The following ZFAND3 variants were observed in gnomAD, a reference collection of about 807,000 sequenced individuals.
ZFAND3 encodes the protein zinc finger AN1-type containing 3, also known as AN1-type zinc finger protein 3.
ZFAND3 carries 10 observed loss-of-function variants against 29.6 expected under a neutral mutation model. The ratio of observed to expected loss-of-function variants is 0.34; its 90% CI spans 0.21 to 0.57. The LOEUF (loss-of-function observed/expected upper bound fraction) is 0.57, where lower values mean the gene tolerates loss of function less well. Ranked by LOEUF, ZFAND3 falls within the 20% of genes least tolerant of loss-of-function variation. The pLI is 0.86. For missense variants in ZFAND3, 230 were observed against 304.5 expected, an observed-to-expected ratio of 0.76 and a Z score of 1.82; for synonymous variants, 128 against 112.6, an observed-to-expected ratio of 1.14 and a Z score of -0.87.
At chr6:37,918,805 A>G (rs1761315494) in intron 1 of ZFAND3, among the ~76,000 whole-genome samples, 1 of 152,146 alleles carries the variant, frequency 6.6e-6, no homozygotes, top group Admixed American at 6.6e-5. Context: ...CAAAAGCAAC[A>G]TTGTTAGCCA....
chr6:37,887,490 A>C (rs1227036769), intron 1 of ZFAND3, among the ~76,000 whole-genome samples: 1 of 152,214 alleles, frequency 6.6e-6, no homozygotes, highest in Non-Finnish European at 1.5e-5. Context: ...ATCAGAACTT[A>C]CTATGTTGGA....
At chr6:38,074,840 T>TA (rs1219189374) in intron 3 of ZFAND3, among the ~76,000 whole-genome samples, 2 of 152,224 alleles carry the variant, frequency 1.3e-5, no homozygotes, top group African/African-American at 2.4e-5. Context: ...AGCCAGTGCT[T>TA]ATTTATCCTT....
intron 1 of ZFAND3, among the ~76,000 whole-genome samples, chr6:37,846,617 C>T (rs560567267): frequency 1.6e-4 from 25 of 152,026 alleles, no homozygotes; most frequent in South Asian, 1.2e-3. Context: ...TGGAACTTGC[C>T]GAAGCTCACT....
chr6:37,896,494 CTTAA>C (rs1385012097), intron 1 of ZFAND3, among the ~76,000 whole-genome samples: 1 of 145,004 alleles, frequency 6.9e-6, no homozygotes, highest in Non-Finnish European at 1.5e-5. Context: ...AGGCTGGTGT[CTTAA>C]TTTTTTTCCT....
intron 1 of ZFAND3, among the ~76,000 whole-genome samples, chr6:37,844,709 T>C (rs576606953): frequency 2.6e-5 from 4 of 151,710 alleles, no homozygotes; most frequent in Non-Finnish European, 5.9e-5. Flanking sequence ...ACTTTAACAC[T>C]TAGGGTCTTA....
chr6:37,861,581 TTTC>T (rs2127383941), intron 1 of ZFAND3, among the ~76,000 whole-genome samples: 1 of 152,346 alleles, frequency 6.6e-6, no homozygotes, highest in Admixed American at 6.5e-5. Flanking sequence ...AGTGTCTACA[TTTC>T]ACAGGTGAAG....
chr6:37,878,112 G>A (rs909971439), intron 1 of ZFAND3, among the ~76,000 whole-genome samples: 1 of 152,164 alleles, frequency 6.6e-6, no homozygotes, highest in South Asian at 2.1e-4. Flanking sequence ...GTGGGAACTC[G>A]TACAAATGTG....
intron 4 of ZFAND3, among the ~76,000 whole-genome samples, chr6:38,099,650 G>A (rs1765054844): frequency 6.6e-6 from 1 of 152,054 alleles, no homozygotes; most frequent in Admixed American, 6.6e-5. Flanking sequence ...AAGAAAATAG[G>A]GCATTTAACT....
At chr6:37,829,316 A>G (rs1763817281) in intron 1 of ZFAND3, among the ~76,000 whole-genome samples, 1 of 151,844 alleles carries the variant, frequency 6.6e-6, no homozygotes, top group Non-Finnish European at 1.5e-5. Context: ...TGGGCAGATC[A>G]CCTGAGGTCA....
At chr6:37,977,616 G>C (rs1450793707) in intron 2 of ZFAND3, among the ~76,000 whole-genome samples, 1 of 151,874 alleles carries the variant, frequency 6.6e-6, no homozygotes, top group African/African-American at 2.4e-5. Context: ...CTACAATGTT[G>C]AATAGAGGTG....
At chr6:38,100,560 C>G (rs1396388523) in intron 4 of ZFAND3, among the ~76,000 whole-genome samples, 1 of 152,214 alleles carries the variant, frequency 6.6e-6, no homozygotes, top group Non-Finnish European at 1.5e-5. Context: ...GACTTCACTG[C>G]AAACCCGGAG....
At chr6:38,080,154 C>G (rs924282736) in intron 3 of ZFAND3, among the ~76,000 whole-genome samples, 1 of 151,334 alleles carries the variant, frequency 6.6e-6, no homozygotes, top group Non-Finnish European at 1.5e-5. Context: ...CAGAGCCTGT[C>G]GGAGGGTGGG....
rs1483597849 is a variant in ZFAND3, at chr6:38,061,924, G to T, written c.295+149G>T. ...CAAGGCCCAAGCTCAGCAAGTTAGA[G>T]AATAAGTTTCAGCCATTCCTGAAGA... On this transcript the variant is annotated intron_variant, in intron 3 of 5. Coordinates refer to ENST00000287218, the MANE Select transcript of ZFAND3 (RefSeq NM_021943.3). The T allele has an allele frequency of 3.2e-5, 32 of 991,726 alleles. No individual in the cohort carries two copies. The Middle Eastern group carries it at 1.6e-3, about 49-fold the overall frequency. 61.4% of individuals were successfully genotyped at this position (991,726 alleles called of 1,614,324 possible). A position where few individuals can be genotyped will look rare whatever the true frequency, so the allele number is the denominator to read the frequency against.
chr6:38,136,057 A>G (rs1199714034), intron 5 of ZFAND3, among the ~76,000 whole-genome samples: 3 of 152,210 alleles, frequency 2.0e-5, no homozygotes, highest in African/African-American at 2.4e-5. Context: ...AGGCGGGGCA[A>G]AAATGGAGGT....
At chr6:37,862,466 TG>T (rs1273485887) in intron 1 of ZFAND3, among the ~76,000 whole-genome samples, 1 of 151,164 alleles carries the variant, frequency 6.6e-6, no homozygotes, top group Non-Finnish European at 1.5e-5. Context: ...GCTGGAGGAT[TG>T]CTTGAGCCCA....
chr6:38,131,698 A>C (rs1019334307), intron 5 of ZFAND3, among the ~76,000 whole-genome samples: 1 of 152,238 alleles, frequency 6.6e-6, no homozygotes, highest in Non-Finnish European at 1.5e-5. Context: ...CTCAGCAGGC[A>C]GGAGTACATG....
chr6:37,987,189 G>GGCC (rs1306549471), intron 2 of ZFAND3, among the ~76,000 whole-genome samples: 1 of 152,168 alleles, frequency 6.6e-6, no homozygotes, highest in Non-Finnish European at 1.5e-5. Flanking sequence ...AGAAGTGAGT[G>GGCC]GCCAGTGGAA....
At chr6:37,851,833 A>G (rs189370277) in intron 1 of ZFAND3, among the ~76,000 whole-genome samples, 1 of 152,360 alleles carries the variant, frequency 6.6e-6, no homozygotes, top group East Asian at 1.9e-4. Flanking sequence ...TTGACCAGCT[A>G]TTATAGTGTA....
chr6:38,099,536 C>T (rs1376309059), intron 4 of ZFAND3, among the ~76,000 whole-genome samples: 5 of 152,200 alleles, frequency 3.3e-5, no homozygotes, highest in Non-Finnish European at 7.3e-5. Context: ...AAATAAACTA[C>T]ACCTCCATTA....
Sources: allele counts gnomAD v4.1 joint callset (sites outside exome capture counted in the v4.1 genomes callset), GRCh38; gene constraint gnomAD v4.1.1; transcripts MANE v1.5; gene names NCBI Gene and HGNC (gene_info 2026-07-23, HGNC 2026-07-21).